BTG4: variants seen among roughly 807,000 people sequenced by gnomAD.
BTG4 encodes the protein BTG anti-proliferation factor 4, also known as protein BTG4.
BTG4 carries 10 observed loss-of-function variants against 19.3 expected under a neutral mutation model. That is an observed-to-expected ratio of 0.52 (90% CI 0.32 to 0.88). The LOEUF (loss-of-function observed/expected upper bound fraction) is 0.88. Ranked by LOEUF, BTG4 falls within the 40% of genes least tolerant of loss-of-function variation. BTG4 has a pLI of 0.04. For synonymous variants in BTG4, 91 were observed against 95.7 expected (o/e 0.95, Z 0.29); for missense variants, 238 against 281.9 (o/e 0.84, Z 1.11).
chr11:111,507,467 T>C (rs1378050002), intron 1 of BTG4, among the ~76,000 whole-genome samples: 1 of 152,128 alleles, frequency 6.6e-6, no homozygotes, highest in African/African-American at 2.4e-5. Context: ...GTTCATCTGT[T>C]TAGTTCTAGC....
At chr11:111,426,824 G>A in the BTG4 span, among the ~76,000 whole-genome samples, 140,092 of 152,290 alleles carry the variant, frequency 0.92, 64,804 homozygotes, top group East Asian at 1. Flanking sequence ...TCCCAGGCCG[G>A]TGTGGGAAAG....
At chr11:111,393,667 A>G in the BTG4 span, among the ~76,000 whole-genome samples, 2 of 152,212 alleles carry the variant, frequency 1.3e-5, no homozygotes, top group East Asian at 3.8e-4. Flanking sequence ...TTGAAGGTCT[A>G]GCATGAGGAG....
At chr11:111,450,387 T>A in the BTG4 span, 2 of 152,638 alleles carry the variant, frequency 1.3e-5, no homozygotes, top group Non-Finnish European at 2.9e-5. Flanking sequence ...CTGTGGGCCA[T>A]CCCTGCAACT....
the BTG4 span, chr11:111,450,372 A>T: frequency 6.6e-6 from 1 of 152,528 alleles, no homozygotes; most frequent in Non-Finnish European, 1.5e-5. Flanking sequence ...CTTCCCCACC[A>T]CGTGCTGTGG....
chr11:111,490,465 CTT>C (rs891761821), downstream of BTG4, among the ~76,000 whole-genome samples: 1 of 152,000 alleles, frequency 6.6e-6, no homozygotes, highest in Admixed American at 6.6e-5. Flanking sequence ...AAATAAAGAA[CTT>C]TTTAAAATAC....
At chr11:111,479,109 A>G (rs1864579989) in intron 5 of BTG4, among the ~76,000 whole-genome samples, 1 of 152,130 alleles carries the variant, frequency 6.6e-6, no homozygotes, top group African/African-American at 2.4e-5. Context: ...AAATCTTGAA[A>G]GCAGCCAGAG....
the BTG4 span, among the ~76,000 whole-genome samples, chr11:111,448,142 A>G: frequency 6.6e-6 from 1 of 152,194 alleles, no homozygotes; most frequent in African/African-American, 2.4e-5. Context: ...AGAGTGCCAC[A>G]TGCCTGAGCA....
At chr11:111,385,968 A>G in the BTG4 span, 1 of 152,220 alleles carries the variant, frequency 6.6e-6, no homozygotes, top group Non-Finnish European at 1.5e-5. Context: ...GTTCAAGACC[A>G]GCCTAGACAA....
downstream of BTG4, among the ~76,000 whole-genome samples, chr11:111,464,119 C>G (rs1455784089): frequency 6.6e-6 from 1 of 152,204 alleles, no homozygotes; most frequent in Non-Finnish European, 1.5e-5. Flanking sequence ...GCCTCAGCCT[C>G]CCGAGTAGCT....
At chr11:111,499,678 C>G (rs1053968103) in intron 1 of BTG4, among the ~76,000 whole-genome samples, 1 of 152,160 alleles carries the variant, frequency 6.6e-6, no homozygotes, top group Non-Finnish European at 1.5e-5. Context: ...AGATTTCTTA[C>G]AAAATTTGTT....
At chr11:111,508,586 A>C (rs906635726) in intron 1 of BTG4, among the ~76,000 whole-genome samples, 4 of 151,890 alleles carry the variant, frequency 2.6e-5, no homozygotes, top group African/African-American at 9.7e-5. Context: ...CTTCATCTCT[A>C]GTATTTTTGC....
At chr11:111,463,693 A>G (rs1863550074), downstream of BTG4, among the ~76,000 whole-genome samples, 1 of 152,198 alleles carries the variant, frequency 6.6e-6, no homozygotes, top group Non-Finnish European at 1.5e-5. Flanking sequence ...TTAAAATGAC[A>G]TTTATTTTCT....
the BTG4 span, among the ~76,000 whole-genome samples, chr11:111,430,940 C>T: frequency 1.8e-3 from 275 of 152,282 alleles, 2 homozygotes; most frequent in African/African-American, 6.5e-3. Context: ...TACATACCAG[C>T]CTTTTCTTTT....
At chr11:111,414,586 T>C in the BTG4 span, 1 of 152,212 alleles carries the variant, frequency 6.6e-6, no homozygotes, top group Non-Finnish European at 1.5e-5. Context: ...CCTGAGAAGA[T>C]AAGATCTGGA....
At chr11:111,437,603 G>A in the BTG4 span, among the ~76,000 whole-genome samples, 3 of 152,306 alleles carry the variant, frequency 2.0e-5, no homozygotes, top group East Asian at 5.8e-4. Context: ...TGGAGGGGCC[G>A]GAGAGCCTCT....
Position 111,495,215 on chromosome 11 carries a change from C to T in BTG4, c.610G>A (p.Gly204Ser), listed in dbSNP as rs1194998572. The T allele has an allele frequency of 5.6e-6, 9 of 1,612,308 alleles. No individual in the cohort carries two copies. The highest frequency in any genetic ancestry group is 2.7e-5 in the African/African-American group (2 of 74,834). Reference sequence around the variant, plus strand: ...TAACACTTAGGATGCTTCTGCGAGCCATGGTAAGTGTTTCCCAGGAGGCCA... The same window carrying T: ...TAACACTTAGGATGCTTCTGCGAGCTATGGTAAGTGTTTCCCAGGAGGCCA... The part of the protein sequence containing the change: ...RVGLLGNTYH[G>S]SQKHPKCYRP... Residue 204 changes from glycine to serine, a missense_variant, in exon 5 of 5, where the codon GGC becomes AGC. Coordinates refer to ENST00000692032, the MANE Select transcript of BTG4 (RefSeq NM_001367975.1).
chr11:111,454,438 G>T, the BTG4 span: 30 of 396,914 alleles, frequency 7.6e-5, no homozygotes, highest in African/African-American at 2.7e-4. Flanking sequence ...CTTCAGGAGA[G>T]TTGGTTATAG....
At chr11:111,447,070 T>C in the BTG4 span, among the ~76,000 whole-genome samples, 5,422 of 152,272 alleles carry the variant, frequency 0.036, 294 homozygotes, top group African/African-American at 0.12. Flanking sequence ...CTGCTCCCTG[T>C]GCCCCGGGAA....
At chr11:111,409,815 A>G in the BTG4 span, among the ~76,000 whole-genome samples, 4,456 of 152,236 alleles carry the variant, frequency 0.029, 98 homozygotes, top group Middle Eastern at 0.13. Flanking sequence ...TGTGTGCTAT[A>G]GTAGGAAAAA....
Sources: gnomAD v4.1 joint callset for allele counts (sites outside exome capture counted in the v4.1 genomes callset) on GRCh38, gnomAD v4.1.1 for gene constraint, MANE v1.5 for transcripts, NCBI Gene and HGNC (gene_info 2026-07-23, HGNC 2026-07-21) for gene names.